Variants in POLR2G observed in about 807,000 individuals in gnomAD.
POLR2G encodes the protein DNA-directed RNA polymerase II subunit RPB7.
A neutral mutation model predicts 25.7 loss-of-function variants in POLR2G; 19 were observed. The observed-to-expected ratio is 0.74, with a 90% CI of 0.52 to 1.08. The LOEUF is 1.08. Ranked by LOEUF, POLR2G falls within the 50% of genes least tolerant of loss-of-function variation. The probability of loss-of-function intolerance (pLI) is 0.00; values close to 1 mark genes in which losing one functional copy is unlikely to be tolerated. For synonymous variants in POLR2G, 79 were observed against 76.0 expected, an observed-to-expected ratio of 1.04 and a Z score of -0.21; for missense variants, 123 against 218.5, an observed-to-expected ratio of 0.56 and a Z score of 2.76.
At chr11:62,763,104 CTG>C in intron 3 of POLR2G, 78 bp downstream of exon 3, 1 of 747,698 alleles carries the variant, frequency 1.3e-6, no homozygotes, top group South Asian at 2.8e-5. Context: ...CTTCATAACT[CTG>C]TGCCTTTGGC....
chr11:62,766,576 A>C lies in POLR2G; in HGVS notation c.*69A>C. The C allele has an allele frequency of 1.3e-6, 2 of 1,488,844 alleles. No individual in the cohort carries two copies. Among genetic ancestry groups the C allele is most frequent in the East Asian group, 2.3e-5 (1 of 44,306 alleles). 92.2% of individuals were successfully genotyped at this position (1,488,844 alleles called of 1,614,324 possible). A position where few individuals can be genotyped will look rare whatever the true frequency, so the allele number is the denominator to read the frequency against. On this transcript the variant is annotated 3_prime_UTR_variant, in exon 8 of 8. Transcript: ENST00000301788. Reference sequence around the variant, plus strand: ...TTGTCACACTTATCATGTTGTCCAGAGGTCCAGTCTGGCTGCTGTTGTGGA... The same window carrying C: ...TTGTCACACTTATCATGTTGTCCAGCGGTCCAGTCTGGCTGCTGTTGTGGA...
At chr11:62,763,129 CTT>C (rs149301237) in intron 3 of POLR2G, 103 bp downstream of exon 3, 6,587 of 269,808 alleles carry the variant, frequency 0.024, 1 homozygote, top group South Asian at 0.039. Flanking sequence ...AGTCACTTCA[CTT>C]TTTTTTTTTT....
chr11:62,765,326 C>T lies in POLR2G; in HGVS notation c.334-14C>T, dbSNP rs41542313. On this transcript the variant is annotated splice_polypyrimidine_tract_variant and intron_variant, in intron 4 of 7. Transcript: ENST00000301788. ...CCATTTAAAGTGCTAACCTAGATCT[C>T]ACTTTCCTTTCAGTCCATCCCTTCA... The T allele has an allele frequency of 0.029, 46,494 of 1,611,708 alleles. 845 individuals are homozygous for T. The highest frequency in any genetic ancestry group is 0.035 in the Non-Finnish European group (40,939 of 1,177,800).
At chr11:62,765,296 A>G (rs1346783458) in intron 4 of POLR2G, 44 bp from the exon 5 acceptor site, 2 of 1,605,388 alleles carry the variant, frequency 1.2e-6, no homozygotes, top group Middle Eastern at 1.7e-4. Context: ...CATCTATTGA[A>G]GCATCCATTT....
At chr11:62,761,954 G>A in intron 2 of POLR2G, 50 bp downstream of exon 2, 2 of 1,338,476 alleles carry the variant, frequency 1.5e-6, no homozygotes, top group Non-Finnish European at 2.1e-6. Flanking sequence ...CGCACACGGG[G>A]CGCTATACCT....
At chr11:62,761,760 G>C (rs1280595555) in intron 1 of POLR2G, 35 bp from the exon 2 acceptor site, 1 of 1,607,612 alleles carries the variant, frequency 6.2e-7, no homozygotes, top group East Asian at 2.2e-5. Context: ...ACCTGCCAGC[G>C]CCTGGCCTGG....
chr11:62,766,331 G>A, intron 7 of POLR2G, 55 bp downstream of exon 7: 2 of 1,558,528 alleles, frequency 1.3e-6, no homozygotes, highest in South Asian at 2.2e-5. Flanking sequence ...GATGTGTGGG[G>A]GTGGGGAGTA....
chr11:62,766,441 TG>T, intron 7 of POLR2G, 52 bp from the exon 8 acceptor site: 2 of 1,608,968 alleles, frequency 1.2e-6, no homozygotes, highest in Non-Finnish European at 1.7e-6. Flanking sequence ...AGTACATGGT[TG>T]TGGCTACCCT....
chr11:62,763,331 G>A (rs1430345585), intron 3 of POLR2G, among the ~76,000 whole-genome samples: 2 of 142,340 alleles, frequency 1.4e-5, no homozygotes, highest in African/African-American at 2.6e-5. Flanking sequence ...GTCTCGCTTT[G>A]TCACCCAGGC....
intron 3 of POLR2G, among the ~76,000 whole-genome samples, chr11:62,764,258 CAAG>C (rs1016475265): frequency 6.6e-6 from 1 of 151,384 alleles, no homozygotes; most frequent in Admixed American, 6.6e-5. Context: ...GGTGGGAGTT[CAAG>C]ACCAGCCTGG....
At position 62,761,962 on chromosome 11, in the gene POLR2G, C is replaced by G. The variant is rs948150836; in HGVS notation, c.122+58C>G. On this transcript the variant is annotated intron_variant, in intron 2 of 7. Coordinates refer to ENST00000301788, the MANE Select transcript of POLR2G (RefSeq NM_002696.3). Reference sequence around the variant, plus strand: ...TTCGATGCGCACACGGGGCGCTATACCTGCAACCCCTCCCCAACTCCTACT... The same window carrying G: ...TTCGATGCGCACACGGGGCGCTATAGCTGCAACCCCTCCCCAACTCCTACT... 4 of 1,219,036 alleles carry G rather than the reference C, an allele frequency of 3.3e-6. No individual in the cohort carries two copies. In the African/African-American group the frequency reaches 5.9e-5, roughly 18 times the overall value. The allele number at this position is 1,219,036 out of a possible 1,614,324, so 75.5% of individuals were successfully genotyped here. A position where few individuals can be genotyped will look rare whatever the true frequency, so the allele number is the denominator to read the frequency against.
intron 3 of POLR2G, among the ~76,000 whole-genome samples, chr11:62,764,136 C>A (rs1352947694): frequency 1.3e-5 from 2 of 152,164 alleles, no homozygotes; most frequent in Admixed American, 6.6e-5. Flanking sequence ...TGGACTAACA[C>A]GTCCCAGGCC....
intron 3 of POLR2G, among the ~76,000 whole-genome samples, chr11:62,764,137 G>A (rs942590784): frequency 6.6e-6 from 1 of 152,106 alleles, no homozygotes; most frequent in African/African-American, 2.4e-5. Context: ...GGACTAACAC[G>A]TCCCAGGCCT....
Position 62,766,513 on chromosome 11 carries a change from G to A in POLR2G, c.*6G>A, listed in dbSNP as rs113852446. 4.8e-3 allele frequency: 7,664 copies of A among 1,613,464 alleles called. 331 individuals carry two copies. The African/African-American group carries it at 0.092, about 19-fold the overall frequency. On this transcript the variant is annotated 3_prime_UTR_variant, in exon 8 of 8. Transcript: ENST00000301788. ...TCGCAGGGCTTGTAAGCTGAGCCTG[G>A]TGGCCTCCTACCCTTGGTCCTACTC...
At chr11:62,761,742 G>A in intron 1 of POLR2G, 53 bp from the exon 2 acceptor site, 3 of 1,607,504 alleles carry the variant, frequency 1.9e-6, no homozygotes. Context: ...TCCCCTTGTC[G>A]TCCAATAACC....
chr11:62,764,920 G>C (rs2084107239), intron 3 of POLR2G, among the ~76,000 whole-genome samples: 1 of 151,792 alleles, frequency 6.6e-6, no homozygotes, highest in African/African-American at 2.4e-5. Flanking sequence ...GTGCAATGGT[G>C]CAATCTCGGC....
At position 62,765,193 on chromosome 11, in the gene POLR2G, C is replaced by T. The variant is rs1279542575; in HGVS notation, c.294C>T (p.Phe98=). ...VVTQVNKVGL[F]TEIGPMSCFI... ...CATTTTTTTTCTAGGTTGGACTCTT[C>T]ACAGAAATTGGGCCCATGTCTTGCT... is the stretch of plus-strand genomic sequence containing the variant. Residue 98 remains phenylalanine (F), a synonymous_variant, in exon 4 of 8, where the codon TTC becomes TTT. Transcript: ENST00000301788. The T allele has an allele frequency of 1.2e-6, 2 of 1,613,616 alleles. No individual in the cohort carries two copies. Among genetic ancestry groups the T allele is most frequent in the Admixed American group, 3.3e-5 (2 of 59,974 alleles).
At position 62,765,739 on chromosome 11, in the gene POLR2G, C is replaced by T. The variant is rs774101257; in HGVS notation, c.471+15C>T. On this transcript the variant is annotated intron_variant, in intron 6 of 7. Transcript: ENST00000301788. ...AGAATGACATTGTGAGTCTTTTCCC[C>T]ACCTCTCTACCTATACCAGGTTGAG... The T allele has an allele frequency of 3.3e-6, 5 of 1,493,658 alleles. No homozygotes were observed. The African/African-American group carries it at 5.5e-5, about 16-fold the overall frequency. 92.5% of individuals were successfully genotyped at this position (1,493,658 alleles called of 1,614,324 possible).
chr11:62,763,240 T>A (rs913507442), intron 3 of POLR2G, among the ~76,000 whole-genome samples: 36 of 150,356 alleles, frequency 2.4e-4, no homozygotes, highest in African/African-American at 8.5e-4. Flanking sequence ...CAAGTGATTC[T>A]CCTGCCTCGG....
Sources: gnomAD v4.1 joint callset for allele counts (sites outside exome capture counted in the v4.1 genomes callset) on GRCh38, gnomAD v4.1.1 for gene constraint, MANE v1.5 for transcripts, NCBI Gene and HGNC (gene_info 2026-07-23, HGNC 2026-07-21) for gene names.